The following UNC13A variants were observed in gnomAD, a reference collection of about 807,000 sequenced individuals.
The protein encoded by UNC13A is protein unc-13 homolog A.
A neutral mutation model predicts 219.7 loss-of-function variants in UNC13A; 61 were observed. That is an observed-to-expected ratio of 0.28 (90% CI 0.23 to 0.34). The LOEUF is 0.34. Among genes scored for constraint, UNC13A ranks in the 10% least tolerant of loss-of-function variants. The pLI is 1.00. For synonymous variants in UNC13A, 920 were observed against 884.6 expected (o/e 1.04, Z -0.71); for missense variants, 1,476 against 2,270.3 (o/e 0.65, Z 7.11).
chr19:17,641,566 T>G lies in UNC13A; in HGVS notation c.2473-10A>C. 1 of 1,613,720 alleles carries G rather than the reference T, an allele frequency of 6.2e-7. No homozygotes were observed. The highest frequency in any genetic ancestry group is 1.3e-5 in the African/African-American group (1 of 75,024). ...CGAAGTGGAACAGGTTCTGCCACCA[T>G]GGGAGAGAAAGTGTCATGGAGAGTG... On this transcript the variant is annotated splice_polypyrimidine_tract_variant and intron_variant, in intron 20 of 43. Transcript: ENST00000519716.
intron 12 of UNC13A, among the ~76,000 whole-genome samples, chr19:17,651,978 T>C (rs2079357233): frequency 6.6e-6 from 1 of 152,138 alleles, no homozygotes; most frequent in Admixed American, 6.5e-5. Flanking sequence ...TATCTTTAAT[T>C]AAAGAGCCCA....
chr19:17,634,496 G>A (rs1390022922), intron 26 of UNC13A, among the ~76,000 whole-genome samples: 2 of 151,886 alleles, frequency 1.3e-5, no homozygotes, highest in East Asian at 3.9e-4. Flanking sequence ...GAGCCACTAT[G>A]CCCGGCTAAT....
chr19:17,652,648 G>A lies in UNC13A; in HGVS notation c.1422C>T (p.Ser474=), dbSNP rs2079370939. Residue 474 remains serine, a synonymous_variant, in exon 12 of 44, where the codon TCC becomes TCT. Coordinates refer to ENST00000519716, the MANE Select transcript of UNC13A (RefSeq NM_001080421.3). ...EARGEGEMSK[S]LWFKGGPGGG... ...TTACTTACCCGCCTTTGAACCATAGGGATTTAGACATCTCTCCTTCTCCCC... is the reference window on the plus strand; with the variant it reads ...TTACTTACCCGCCTTTGAACCATAGAGATTTAGACATCTCTCCTTCTCCCC... The A allele has an allele frequency of 5.6e-6, 9 of 1,613,680 alleles. No individual in the cohort carries two copies. The highest frequency in any genetic ancestry group is 7.6e-6 in the Non-Finnish European group (9 of 1,179,780).
intron 36 of UNC13A, 126 bp downstream of exon 36, chr19:17,623,416 G>C (rs909795237): frequency 1.4e-6 from 1 of 728,402 alleles, no homozygotes; most frequent in Non-Finnish European, 2.2e-6. Context: ...ACATCTAGGC[G>C]GGAGGGAGGA....
chr19:17,628,349 C>T (rs1210862953), intron 31 of UNC13A: 2 of 221,240 alleles, frequency 9.0e-6, no homozygotes, highest in African/African-American at 4.6e-5. Context: ...CGAGACCCCC[C>T]CCACAGATAC....
intron 1 of UNC13A, among the ~76,000 whole-genome samples, chr19:17,685,199 CT>C (rs11432679): frequency 7.5e-4 from 114 of 151,146 alleles, no homozygotes; most frequent in Non-Finnish European, 1.1e-3. Flanking sequence ...ATGAGTGAAT[CT>C]TTTTTTTTGA....
chr19:17,647,757 C>G (rs1241600527), intron 16 of UNC13A, among the ~76,000 whole-genome samples: 2 of 149,276 alleles, frequency 1.3e-5, no homozygotes, highest in African/African-American at 2.5e-5. Flanking sequence ...GTTTTTGGAG[C>G]CCCACCCCTC....
Position 17,627,546 on chromosome 19 carries a change from T to C in UNC13A, c.3883A>G (p.Asn1295Asp). 3 of 1,563,972 alleles carry C rather than the reference T, an allele frequency of 1.9e-6. No individual in the cohort carries two copies. The highest frequency in any genetic ancestry group is 2.6e-6 in the Non-Finnish European group (3 of 1,153,508). Residue 1295 changes from asparagine to aspartate, a missense_variant, in exon 33 of 44, where the codon AAC becomes GAC. Asn to Asp is a conservative substitution (Grantham distance 23). This residue lies in a region of UNC13A where 218 missense variants were observed against 409.4 expected (regional missense o/e 0.53). Transcript: ENST00000519716. This position sits in a 1 kb window ranked among gnomAD's most constrained non-coding sequence, Gnocchi z 4.7. ...ILKELQVKLNNVLDELSRVFA... is the reference protein window; with the variant it reads ...ILKELQVKLNDVLDELSRVFA... Reference sequence around the variant, plus strand: ...ACCCGGCTGAGCTCATCCAAGACGTTATTGAGTTTCACCTGAAGCTCCTTC... The same window carrying C: ...ACCCGGCTGAGCTCATCCAAGACGTCATTGAGTTTCACCTGAAGCTCCTTC...
intron 1 of UNC13A, among the ~76,000 whole-genome samples, chr19:17,680,705 C>A (rs958441834): frequency 2.6e-5 from 4 of 151,948 alleles, no homozygotes; most frequent in Non-Finnish European, 5.9e-5. Flanking sequence ...CTCCCTCACC[C>A]CTTCTGCAGA....
chr19:17,686,307 C>G (rs1599427043), intron 1 of UNC13A, among the ~76,000 whole-genome samples: 1 of 50,964 alleles, frequency 2.0e-5, no homozygotes, highest in Non-Finnish European at 3.9e-5. Flanking sequence ...CGCCCCCCCC[C>G]CCCCCCCCCC....
intron 1 of UNC13A, among the ~76,000 whole-genome samples, chr19:17,676,642 A>G (rs1355842328): frequency 6.6e-6 from 1 of 152,156 alleles, no homozygotes; most frequent in African/African-American, 2.4e-5. Flanking sequence ...GCAATGTCAA[A>G]TGCTCCCAGG....
At chr19:17,655,034 G>A (rs1387245638) in intron 11 of UNC13A, among the ~76,000 whole-genome samples, 2 of 152,194 alleles carry the variant, frequency 1.3e-5, no homozygotes, top group African/African-American at 4.8e-5. Context: ...GAGTGGGTGG[G>A]GCATCGGTGA....
intron 5 of UNC13A, 122 bp downstream of exon 5, chr19:17,669,431 C>A: frequency 2.2e-6 from 3 of 1,361,748 alleles, no homozygotes; most frequent in Non-Finnish European, 2.9e-6. Context: ...GGGCGAAGGA[C>A]CCTCATTCTC....
At chr19:17,641,675 T>C in intron 20 of UNC13A, 119 bp from the exon 21 acceptor site, 1 of 1,057,100 alleles carries the variant, frequency 9.5e-7, no homozygotes, top group South Asian at 1.7e-5. Context: ...AATTCATTCA[T>C]CTACTCTTTT....
At chr19:17,620,540 G>A (rs939637273) in intron 38 of UNC13A, among the ~76,000 whole-genome samples, 153 bp downstream of exon 38, 26 of 139,302 alleles carry the variant, frequency 1.9e-4, no homozygotes, top group South Asian at 8.1e-4. Context: ...CACCCCCCAC[G>A]AGCAAGCCAG....
chr19:17,632,659 A>G, intron 28 of UNC13A, 123 bp downstream of exon 28: 2 of 1,440,910 alleles, frequency 1.4e-6, no homozygotes, highest in Non-Finnish European at 1.9e-6. Flanking sequence ...CACTGGATTC[A>G]AGCCCCACCC....
intron 9 of UNC13A, 54 bp downstream of exon 9, chr19:17,658,008 C>A (rs1329202366): frequency 6.4e-7 from 1 of 1,572,836 alleles, no homozygotes; most frequent in African/African-American, 1.4e-5. Flanking sequence ...CCCCTCTCTC[C>A]ACTCCAGGAG....
At position 17,641,627 on chromosome 19, in the gene UNC13A, G is replaced by A. The variant is rs933798762; in HGVS notation, c.2473-71C>T. On this transcript the variant is annotated intron_variant, in intron 20 of 43. Transcript: ENST00000519716. ...CCGGGGGTCAGAGGTCCCAGGGTCTGGGGCAGCTTACATCATCCATCTGCC... is the reference window on the plus strand; with the variant it reads ...CCGGGGGTCAGAGGTCCCAGGGTCTAGGGCAGCTTACATCATCCATCTGCC... The A allele has an allele frequency of 8.0e-6, 12 of 1,503,974 alleles. No individual in the cohort carries two copies. In the African/African-American group the frequency reaches 1.5e-4, roughly 19 times the overall value. The allele number at this position is 1,503,974 out of a possible 1,614,324, so 93.2% of individuals were successfully genotyped here.
intron 5 of UNC13A, 33 bp from the exon 6 acceptor site, chr19:17,668,223 G>C: frequency 6.3e-7 from 1 of 1,598,122 alleles, no homozygotes; most frequent in Non-Finnish European, 8.5e-7. Flanking sequence ...GAGCCTGGAA[G>C]ACCCTCCCTG....
Sources: allele counts gnomAD v4.1 joint callset (sites outside exome capture counted in the v4.1 genomes callset), GRCh38; gene constraint gnomAD v4.1.1; regional missense constraint gnomAD v4.1.1; non-coding constraint Gnocchi (gnomAD v3.1); transcripts MANE v1.5; gene names NCBI Gene and HGNC (gene_info 2026-07-23, HGNC 2026-07-21).